MAN2B2: variants seen among roughly 807,000 people sequenced by gnomAD.
MAN2B2 encodes the protein epididymis-specific alpha-mannosidase.
MAN2B2 carries 106 observed loss-of-function variants against 117.1 expected under a neutral mutation model. The ratio of observed to expected loss-of-function variants is 0.90; its 90% CI spans 0.77 to 1.06. The LOEUF (loss-of-function observed/expected upper bound fraction) is 1.06, where lower values mean the gene tolerates loss of function less well. MAN2B2 is among the 50% of genes least tolerant of loss of function. The pLI is 0.00. For missense variants in MAN2B2, 1,326 were observed against 1,381.4 expected (o/e 0.96, Z 0.64); for synonymous variants, 544 against 595.1 (o/e 0.91, Z 1.25).
rs747622896 is a variant in MAN2B2, at chr4:6,609,111, AGTAACCGAACG to A, written c.1822_1832del (p.Asn608AlafsTer23). ...TTCTCTCTCCTGCCTCTGCAGACAG[AGTAACCGAACG>A]GTGCGCGTGACCCAGGAATTCCTGG... On this transcript the variant is annotated frameshift_variant, in exon 12 of 19. Transcript: ENST00000285599. LOFTEE classifies it high-confidence loss of function. The A allele has an allele frequency of 1.2e-6, 2 of 1,613,166 alleles. No individual in the cohort carries two copies. Among genetic ancestry groups the A allele is most frequent in the African/African-American group, 2.7e-5 (2 of 74,942 alleles).
chr4:6,616,899 G>A (rs1711904905), intron 16 of MAN2B2, among the ~76,000 whole-genome samples: 1 of 152,138 alleles, frequency 6.6e-6, no homozygotes, highest in African/African-American at 2.4e-5. Flanking sequence ...TGTCTCACAT[G>A]GAGTCTATTA....
At chr4:6,600,224 T>C (rs1349797603) in intron 9 of MAN2B2, among the ~76,000 whole-genome samples, 1 of 152,210 alleles carries the variant, frequency 6.6e-6, no homozygotes, top group Non-Finnish European at 1.5e-5. Context: ...CTCTGGTGGC[T>C]CACAGTGCCC....
chr4:6,613,324 C>T (rs148817608), intron 15 of MAN2B2, among the ~76,000 whole-genome samples: 1 of 152,072 alleles, frequency 6.6e-6, no homozygotes, highest in Non-Finnish European at 1.5e-5. Context: ...CATGGTGGCT[C>T]ACACTTGTAA....
intron 3 of MAN2B2, among the ~76,000 whole-genome samples, chr4:6,579,331 C>G (rs929701869): frequency 4.7e-4 from 40 of 84,570 alleles, no homozygotes; most frequent in African/African-American, 5.6e-4. Context: ...ACCACCACCA[C>G]CACCACCACC....
At position 6,623,289 on chromosome 4, in the gene MAN2B2, C is replaced by G. The variant is rs1222284361; in HGVS notation, c.*2004C>G. On this transcript the variant is annotated 3_prime_UTR_variant, in exon 19 of 19. Transcript: ENST00000285599. ...GAATCAATCACTTGAACCTGGGAGG[C>G]GGAGGAGACCTCCGCCTCTGCACTC... 1 of 149,600 alleles carries G rather than the reference C, an allele frequency of 6.7e-6. No homozygotes were observed. The allele number at this position is 149,600 out of a possible 1,614,324, so 9.3% of individuals were successfully genotyped here. A position where few individuals can be genotyped will look rare whatever the true frequency, so the allele number is the denominator to read the frequency against.
intron 7 of MAN2B2, among the ~76,000 whole-genome samples, chr4:6,596,628 C>G (rs529498327): frequency 6.6e-6 from 1 of 152,124 alleles, no homozygotes; most frequent in African/African-American, 2.4e-5. Flanking sequence ...CCTCCCTGGA[C>G]GCCCAGAGAA....
chr4:6,583,166 G>A (rs2108860546), intron 3 of MAN2B2, among the ~76,000 whole-genome samples: 1 of 152,220 alleles, frequency 6.6e-6, no homozygotes, highest in East Asian at 1.9e-4. Context: ...GGGAATGGTG[G>A]AGCCAGGGCA....
At chr4:6,575,519 A>G (rs2108854143) in intron 1 of MAN2B2, among the ~76,000 whole-genome samples, 171 bp downstream of exon 1, 1 of 152,202 alleles carries the variant, frequency 6.6e-6, no homozygotes, top group East Asian at 1.9e-4. Flanking sequence ...CGGGCCAGTC[A>G]CTTCCTGCCT....
chr4:6,609,354 G>C, intron 12 of MAN2B2, 56 bp downstream of exon 12: 1 of 1,548,390 alleles, frequency 6.5e-7, no homozygotes, highest in Non-Finnish European at 8.8e-7. Context: ...CACGCGTGCA[G>C]GCAGCTCAGT....
rs746568293 is a variant in MAN2B2 at position 6,611,118 on chromosome 4, C to T, written c.2403C>T (p.Phe801=). 1.2e-5 allele frequency: 19 copies of T among 1,613,472 alleles called. No individual in the cohort carries two copies. The highest frequency in any genetic ancestry group is 2.7e-5 in the African/African-American group (2 of 74,934). Reference sequence around the variant, plus strand: ...TCCACCGGCGGCTGTGGAACAACTTCGACTGGGACCTGGGCTACAACCTCA... The same window carrying T: ...TCCACCGGCGGCTGTGGAACAACTTTGACTGGGACCTGGGCTACAACCTCA... ...VMLHRRLWNN[F]DWDLGYNLTL... The change falls in exon 15 of 19, where the codon TTC becomes TTT. Residue 801 remains phenylalanine, a synonymous_variant. Transcript: ENST00000285599.
Position 6,597,186 on chromosome 4 carries a change from C to T in MAN2B2, c.1131C>T (p.Ala377=). 2.5e-6 allele frequency: 4 copies of T among 1,612,824 alleles called. No homozygotes were observed. Among genetic ancestry groups the T allele is most frequent in the South Asian group, 2.2e-5 (2 of 90,996 alleles). ...SLKGLARRAS[A]LLYAGESMFT... is the part of the protein sequence containing the mutation. ...AGGGGCTGGCCCGGCGAGCCAGCGCCTTGTTGTATGCCGGGGAGTCCATGT... is the reference window on the plus strand; with the variant it reads ...AGGGGCTGGCCCGGCGAGCCAGCGCTTTGTTGTATGCCGGGGAGTCCATGT... The change falls in exon 8 of 19, where the codon GCC becomes GCT. Residue 377 remains alanine, a synonymous_variant. Coordinates refer to ENST00000285599, the MANE Select transcript of MAN2B2 (RefSeq NM_015274.3).
At chr4:6,580,449 C>G (rs779526514) in intron 3 of MAN2B2, among the ~76,000 whole-genome samples, 18 of 152,226 alleles carry the variant, frequency 1.2e-4, no homozygotes, top group Non-Finnish European at 8.8e-5. Flanking sequence ...CACCCCTTCA[C>G]AAGCCCACTG....
chr4:6,600,326 T>C (rs774228691), intron 9 of MAN2B2, among the ~76,000 whole-genome samples: 2 of 152,172 alleles, frequency 1.3e-5, no homozygotes, highest in African/African-American at 4.8e-5. Context: ...ATCAGTAAAA[T>C]GGGCTGACAG....
At position 6,598,288 on chromosome 4, in the gene MAN2B2, C is replaced by G. The variant is rs149169745; in HGVS notation, c.1339C>G (p.Arg447Gly). 2,086 of 1,613,594 alleles carry G rather than the reference C, an allele frequency of 1.3e-3. 4 individuals are homozygous for G. Among genetic ancestry groups the G allele is most frequent in the Admixed American group, 1.6e-3 (98 of 60,036 alleles). The change falls in exon 9 of 19, where the codon CGC (arginine) becomes GGC (glycine). Residue 447 changes from arginine (R) to glycine (G), a missense_variant. Physicochemically the swap from Arg to Gly is moderately radical, Grantham distance 125 (BLOSUM62 -2). Transcript: ENST00000285599. ...CCTGGCCTCGGGGATGCTGGGCATG[C>G]GCAAGCTGATGGCCTCCATCGTCCT... is the stretch of plus-strand genomic sequence containing the variant. ...THLASGMLGM[R>G]KLMASIVLDE...
intron 10 of MAN2B2, among the ~76,000 whole-genome samples, 192 bp from the exon 11 acceptor site, chr4:6,604,863 C>A (rs964784293): frequency 1.3e-5 from 2 of 152,008 alleles, no homozygotes; most frequent in Admixed American, 6.6e-5. Context: ...CTTCAGGTCG[C>A]TGAAGGGTTC....
intron 16 of MAN2B2, among the ~76,000 whole-genome samples, chr4:6,614,583 C>T (rs554058548): frequency 3.3e-5 from 5 of 152,318 alleles, no homozygotes; most frequent in Admixed American, 2.0e-4. Flanking sequence ...GTGACCCCAG[C>T]GCATTCTGAA....
rs1033496831 is a variant in MAN2B2, at chr4:6,584,355, T to A, written c.392-2641T>A. Among the ~76,000 whole-genome samples the A allele has an allele frequency of 5.3e-5, 8 of 152,374 alleles. No individual in the cohort carries two copies. In the South Asian group the frequency reaches 1.2e-3, roughly 24 times the overall value. On this transcript the variant is annotated intron_variant, in intron 3 of 18. Transcript: ENST00000285599. ...ATGGCTGCCATAGCTCCAGCCATCA[T>A]GTTACCAGACACCACATTCAAGGCA...
chr4:6,611,157 C>T lies in MAN2B2; in HGVS notation c.2442C>T (p.Thr814=), dbSNP rs1711536097. 8 of 1,614,002 alleles carry T rather than the reference C, an allele frequency of 5.0e-6. No homozygotes were observed. The East Asian group carries it at 1.8e-4, about 36-fold the overall frequency. ...DLGYNLTLND[T]SVVHPVLWLL... ...GCTACAACCTCACGCTGAACGACACCTCAGTCGTCCACCCAGTGCTCTGGC... is the reference window on the plus strand; with the variant it reads ...GCTACAACCTCACGCTGAACGACACTTCAGTCGTCCACCCAGTGCTCTGGC... The change falls in exon 15 of 19, where the codon ACC becomes ACT. Residue 814 remains threonine, a synonymous_variant. Transcript: ENST00000285599.
chr4:6,579,481 C>G (rs1010956051), intron 3 of MAN2B2, among the ~76,000 whole-genome samples: 12 of 148,506 alleles, frequency 8.1e-5, no homozygotes, highest in Non-Finnish European at 1.8e-4. Context: ...ATGACCATCA[C>G]TACCACTACC....
Sources: allele counts gnomAD v4.1 joint callset (sites outside exome capture counted in the v4.1 genomes callset), GRCh38; gene constraint gnomAD v4.1.1; transcripts MANE v1.5; gene names NCBI Gene and HGNC (gene_info 2026-07-23, HGNC 2026-07-21).